TTC39B: variants seen among roughly 807,000 people sequenced by gnomAD.
TTC39B encodes the protein tetratricopeptide repeat protein 39B.
A neutral mutation model predicts 96.6 loss-of-function variants in TTC39B; 92 were observed. That is an observed-to-expected ratio of 0.95 (90% CI 0.80 to 1.13). TTC39B has a LOEUF of 1.13. Among genes scored for constraint, TTC39B ranks in the 50% most tolerant of loss-of-function variants. The pLI, the probability that TTC39B is intolerant of heterozygous loss-of-function variation, is 0.00. For missense variants in TTC39B, 955 were observed against 809.3 expected, an observed-to-expected ratio of 1.18 and a Z score of -2.18; for synonymous variants, 367 against 299.4, an observed-to-expected ratio of 1.23 and a Z score of -2.33.
At chr9:15,206,539 T>TA (rs940535647) in intron 6 of TTC39B, among the ~76,000 whole-genome samples, 9 of 152,200 alleles carry the variant, frequency 5.9e-5, no homozygotes, top group Non-Finnish European at 8.8e-5. Context: ...TTCTCAAAAT[T>TA]AGCCATTAGG....
intron 2 of TTC39B, chr9:15,249,098 T>C (rs1822413475): frequency 6.6e-6 from 1 of 152,244 alleles, no homozygotes; most frequent in South Asian, 2.1e-4. Flanking sequence ...ATGGGGGTTA[T>C]GGTGAGAATC....
intron 1 of TTC39B, among the ~76,000 whole-genome samples, chr9:15,298,291 G>T (rs1292355619): frequency 6.6e-6 from 1 of 152,148 alleles, no homozygotes; most frequent in East Asian, 1.9e-4. Context: ...CACGCTACCA[G>T]CCTCTGCAGC....
At chr9:15,206,743 A>G (rs1248350511) in intron 6 of TTC39B, among the ~76,000 whole-genome samples, 1 of 151,204 alleles carries the variant, frequency 6.6e-6, no homozygotes, top group Non-Finnish European at 1.5e-5. Flanking sequence ...CAAGTTTATT[A>G]GTTTATTTTT....
intron 1 of TTC39B, among the ~76,000 whole-genome samples, chr9:15,305,975 G>C (rs1272829836): frequency 2.6e-5 from 4 of 152,022 alleles, no homozygotes; most frequent in African/African-American, 9.7e-5. Context: ...TTGTCTCTCT[G>C]TCATGCAGAG....
chr9:15,167,921 G>A (rs1349013417), exon 20 of TTC39B: 2 of 152,128 alleles, frequency 1.3e-5, no homozygotes, highest in Non-Finnish European at 1.5e-5. Context: ...TTGGCGGAGG[G>A]AGGGCAGAAT....
intron 1 of TTC39B, among the ~76,000 whole-genome samples, chr9:15,300,241 G>C (rs1587038209): frequency 6.6e-6 from 1 of 152,186 alleles, no homozygotes; most frequent in African/African-American, 2.4e-5. Context: ...CAGCTGAAAG[G>C]AAACAGGAAT....
At chr9:15,225,453 T>C (rs1325610609) in intron 3 of TTC39B, among the ~76,000 whole-genome samples, 1 of 152,022 alleles carries the variant, frequency 6.6e-6, no homozygotes, top group Non-Finnish European at 1.5e-5. Context: ...CATAATATAA[T>C]ATTTGACGAA....
At chr9:15,173,880 C>T (rs1817788615) in intron 19 of TTC39B, among the ~76,000 whole-genome samples, 2 of 152,108 alleles carry the variant, frequency 1.3e-5, no homozygotes, top group Non-Finnish European at 2.9e-5. Flanking sequence ...ATGTTTCGTT[C>T]TCTCCCCAAA....
intron 15 of TTC39B, 174 bp from the exon 16 acceptor site, chr9:15,185,580 A>G (rs1818479750): frequency 2.2e-6 from 2 of 924,128 alleles, no homozygotes; most frequent in South Asian, 1.9e-5. Context: ...TGAATCAGCA[A>G]CTCCAGGGCC....
At chr9:15,261,548 A>G (rs1822946253) in intron 2 of TTC39B, among the ~76,000 whole-genome samples, 1 of 152,130 alleles carries the variant, frequency 6.6e-6, no homozygotes, top group African/African-American at 2.4e-5. Context: ...AGACAAGACC[A>G]GGAATCCTCC....
chr9:15,264,157 T>C (rs760184892), intron 2 of TTC39B, among the ~76,000 whole-genome samples: 1 of 152,074 alleles, frequency 6.6e-6, no homozygotes, highest in Non-Finnish European at 1.5e-5. Flanking sequence ...GACAGTAGAA[T>C]AAAAGACACC....
At chr9:15,175,431 T>C (rs1817882050) in intron 18 of TTC39B, among the ~76,000 whole-genome samples, 1 of 152,158 alleles carries the variant, frequency 6.6e-6, no homozygotes, top group African/African-American at 2.4e-5. Flanking sequence ...GGCAAGATCA[T>C]CTTTCTGAAC....
chr9:15,265,767 T>C (rs1263621036), intron 2 of TTC39B, among the ~76,000 whole-genome samples: 2 of 152,182 alleles, frequency 1.3e-5, no homozygotes, highest in African/African-American at 4.8e-5. Flanking sequence ...TTTGCTATGA[T>C]GTGATAAGAA....
chr9:15,201,050 C>T (rs550635290), intron 7 of TTC39B, among the ~76,000 whole-genome samples: 4 of 152,176 alleles, frequency 2.6e-5, no homozygotes, highest in African/African-American at 9.6e-5. Context: ...ATGTATTTCT[C>T]GTGTACTTAA....
At chr9:15,279,587 G>A (rs1284383522) in intron 1 of TTC39B, among the ~76,000 whole-genome samples, 3 of 152,190 alleles carry the variant, frequency 2.0e-5, no homozygotes, top group African/African-American at 7.2e-5. Context: ...AATGTCAGAT[G>A]TGAAAAGCAC....
intron 2 of TTC39B, chr9:15,249,911 T>C (rs1186526575): frequency 7.9e-7 from 1 of 1,263,826 alleles, no homozygotes; most frequent in Non-Finnish European, 1.0e-6. Flanking sequence ...AAATATGACA[T>C]ACTCACAGAT....
rs1404973983 is a variant in TTC39B at position 15,225,907 on chromosome 9, C to A, written c.371+10G>T. Reference sequence around the variant, plus strand: ...CTCTTCCCCCAGGAATGCCCACAACCCTTCCTGACCTGCTGACAGTAGACG... The same window carrying A: ...CTCTTCCCCCAGGAATGCCCACAACACTTCCTGACCTGCTGACAGTAGACG... On this transcript the variant is annotated intron_variant, in intron 3 of 19. Coordinates refer to ENST00000512701, the Ensembl canonical transcript of TTC39B. 6 of 1,612,612 alleles carry A rather than the reference C, an allele frequency of 3.7e-6. No homozygotes were observed. The highest frequency in any genetic ancestry group is 1.7e-5 in the Admixed American group (1 of 59,836).
intron 19 of TTC39B, among the ~76,000 whole-genome samples, chr9:15,174,720 G>T (rs1218364592): frequency 1.3e-5 from 2 of 152,028 alleles, no homozygotes; most frequent in Non-Finnish European, 1.5e-5. Flanking sequence ...TTACTATCTA[G>T]CCATTTACAC....
chr9:15,210,103 C>T, exon 6 of TTC39B: 1 of 1,606,890 alleles, frequency 6.2e-7, no homozygotes, highest in South Asian at 1.1e-5. Context: ...CTCAGTTGCT[C>T]CAGGGATCCT....
Sources: allele counts gnomAD v4.1 joint callset (sites outside exome capture counted in the v4.1 genomes callset), GRCh38; gene constraint gnomAD v4.1.1; transcripts MANE v1.5; gene names NCBI Gene and HGNC (gene_info 2026-07-23, HGNC 2026-07-21).